EXD3: variants seen among roughly 807,000 people sequenced by gnomAD.
EXD3 encodes the protein exonuclease mut-7 homolog.
In EXD3, 92 loss-of-function variants were observed where a neutral mutation model predicts 98.0. That is an observed-to-expected ratio of 0.94 (90% confidence interval 0.79 to 1.12). The LOEUF (loss-of-function observed/expected upper bound fraction) is 1.12. Among genes scored for constraint, EXD3 ranks in the 50% most tolerant of loss-of-function variants. The pLI, the probability that EXD3 is intolerant of heterozygous loss-of-function variation, is 0.00. For missense variants in EXD3, 1,222 were observed against 1,191.6 expected (o/e 1.03, Z -0.38); for synonymous variants, 569 against 526.0 (o/e 1.08, Z -1.12).
chr9:137,382,875 C>A lies in EXD3; in HGVS notation c.120+438G>T, dbSNP rs1564195432. ...GCCGGCCCTCCCTCTGTAGCCTCTCCCCTGGCCTCTCCCGCCCAGCCTCCT... is the reference window on the plus strand; with the variant it reads ...GCCGGCCCTCCCTCTGTAGCCTCTCACCTGGCCTCTCCCGCCCAGCCTCCT... On this transcript the variant is annotated intron_variant, in intron 3 of 21. Coordinates refer to ENST00000340951, the MANE Select transcript of EXD3 (RefSeq NM_017820.5). Among the ~76,000 whole-genome samples the A allele has an allele frequency of 1.3e-5, 2 of 152,190 alleles. 1 individual carries two copies. Among genetic ancestry groups the A allele is most frequent in the East Asian group, 3.8e-4 (2 of 5,196 alleles).
In EXD3 at chr9:137,324,096, G is replaced by A; in HGVS notation, c.2046C>T (p.Phe682=). The change falls in exon 18 of 22, where the codon TTC becomes TTT. Residue 682 remains phenylalanine, a synonymous_variant. Transcript: ENST00000340951. This position sits in a 1 kb window ranked among gnomAD's most constrained non-coding sequence, Gnocchi z 4.1. ...TTATCTTTGGGACACTCACCTTGTG[G>A]AATGGCTGCCCCGACGTCAGAATGA... is the stretch of plus-strand genomic sequence containing the variant. ...GRIILTSGQP[F]HKLRAQVGAG... The A allele has an allele frequency of 6.3e-7, 1 of 1,588,022 alleles. No individual in the cohort carries two copies. Among genetic ancestry groups the A allele is most frequent in the Non-Finnish European group, 8.6e-7 (1 of 1,167,926 alleles).
chr9:137,392,768 G>A (rs1031913392), intron 2 of EXD3: 10 of 342,820 alleles, frequency 2.9e-5, no homozygotes, highest in Non-Finnish European at 4.4e-5. Flanking sequence ...GTTCCAGGGG[G>A]CACCGAGGCT....
chr9:137,381,970 G>C (rs563558084), intron 3 of EXD3, among the ~76,000 whole-genome samples: 2 of 151,922 alleles, frequency 1.3e-5, no homozygotes, highest in South Asian at 4.2e-4. Flanking sequence ...GCAGGGAGGA[G>C]GTGGGAGCAC....
At position 137,351,058 on chromosome 9, in the gene EXD3, G is replaced by A. The variant is rs1038572005; in HGVS notation, c.1474C>T (p.Leu492=). ...VEKQILGGMD[L]LLVHRQMRVA... ...CCCACCTGTCTGTGCACCAGCAGCA[G>A]GTCCATGCCGCCCAGAATCTGCTTC... The change falls in exon 14 of 22, where the codon CTG becomes TTG. Residue 492 remains leucine (L), a synonymous_variant. Transcript: ENST00000340951. The A allele has an allele frequency of 1.3e-6, 2 of 1,568,510 alleles. No individual in the cohort carries two copies. The highest frequency in any genetic ancestry group is 1.7e-6 in the Non-Finnish European group (2 of 1,157,834).
intron 17 of EXD3, among the ~76,000 whole-genome samples, chr9:137,327,254 C>G (rs1199819198): frequency 6.6e-6 from 1 of 152,060 alleles, no homozygotes; most frequent in Non-Finnish European, 1.5e-5. Context: ...CTGCCTCAGC[C>G]TCCTGAGTAG....
chr9:137,356,474 G>A (rs1366449788), intron 7 of EXD3, 106 bp from the exon 8 acceptor site: 8 of 776,672 alleles, frequency 1.0e-5, no homozygotes, highest in Non-Finnish European at 1.5e-5. Context: ...AACCTCAAGT[G>A]AGGTTTATAA....
chr9:137,352,323 T>G, intron 11 of EXD3, 122 bp from the exon 12 acceptor site: 1 of 1,374,674 alleles, frequency 7.3e-7, no homozygotes, highest in South Asian at 1.3e-5. Flanking sequence ...TGGCTCCTCC[T>G]CCCACACCGG....
intron 2 of EXD3, among the ~76,000 whole-genome samples, chr9:137,387,658 A>C (rs748699449): frequency 6.6e-6 from 1 of 151,916 alleles, no homozygotes; most frequent in Non-Finnish European, 1.5e-5. Context: ...ACGCACCCCA[A>C]CTCAGGGATA....
At position 137,395,225 on chromosome 9, in the gene EXD3, G is replaced by A. The variant is rs547384450; in HGVS notation, c.55+78C>T. 1.1e-5 allele frequency: 15 copies of A among 1,337,584 alleles called. No homozygotes were observed. Among genetic ancestry groups the A allele is most frequent in the East Asian group, 9.2e-5 (4 of 43,536 alleles). The allele number at this position is 1,337,584 out of a possible 1,614,324, so 82.9% of individuals were successfully genotyped here. A position where few individuals can be genotyped will look rare whatever the true frequency, so the allele number is the denominator to read the frequency against. ...CCTCGTCACTGAGTACACAGTGGGC[G>A]CCACCACCCCCCATGCACACCCACG... On this transcript the variant is annotated intron_variant, in intron 2 of 21. Transcript: ENST00000340951. This position sits in a 1 kb window ranked among gnomAD's most constrained non-coding sequence, Gnocchi z 6.5.
chr9:137,379,049 A>G (rs1164384516), intron 3 of EXD3, among the ~76,000 whole-genome samples: 1 of 113,470 alleles, frequency 8.8e-6, no homozygotes, highest in South Asian at 3.3e-4. Context: ...GCCGAGGGGA[A>G]TGGGGCGTCT....
chr9:137,373,419 G>A lies in EXD3; in HGVS notation c.294+7C>T, dbSNP rs1835738983. 1 of 1,604,598 alleles carries A rather than the reference G, an allele frequency of 6.2e-7. No individual in the cohort carries two copies. The highest frequency in any genetic ancestry group is 8.5e-7 in the Non-Finnish European group (1 of 1,179,128). ...GGAGGTGACTGTCACAGAACCCATG[G>A]GCTCACCTGGGCCAGGCTCGGGCAT... On this transcript the variant is annotated splice_region_variant and intron_variant, in intron 4 of 21. Transcript: ENST00000340951.
intron 20 of EXD3, among the ~76,000 whole-genome samples, chr9:137,308,104 G>A (rs1054644623): frequency 2.6e-5 from 4 of 152,056 alleles, no homozygotes; most frequent in Non-Finnish European, 4.4e-5. Context: ...AGTGGCTCGT[G>A]CTGGCCCTGT....
At chr9:137,397,590 C>T (rs1360445691) in intron 1 of EXD3, among the ~76,000 whole-genome samples, 1 of 152,064 alleles carries the variant, frequency 6.6e-6, no homozygotes, top group Non-Finnish European at 1.5e-5. Flanking sequence ...AAAGCAACTT[C>T]GAGGAAGGCC....
At chr9:137,328,059 G>A (rs1832564183) in intron 17 of EXD3, among the ~76,000 whole-genome samples, 1 of 145,602 alleles carries the variant, frequency 6.9e-6, no homozygotes. Flanking sequence ...CCCACATGAT[G>A]AGTAAAAACA....
chr9:137,370,787 G>A (rs1047303568), intron 5 of EXD3, among the ~76,000 whole-genome samples: 1 of 148,422 alleles, frequency 6.7e-6, no homozygotes, highest in African/African-American at 2.5e-5. Context: ...GGAGCCAAGA[G>A]GGCCTTTTTT....
chr9:137,391,927 TG>T (rs1186534604), intron 2 of EXD3: 1 of 152,234 alleles, frequency 6.6e-6, no homozygotes, highest in African/African-American at 2.4e-5. Context: ...GCAGTTCTAC[TG>T]CCTCCAAGCC....
intron 2 of EXD3, among the ~76,000 whole-genome samples, chr9:137,389,025 A>G (rs28664052): frequency 0.21 from 31,851 of 151,954 alleles, 5,241 homozygotes; most frequent in African/African-American, 0.46. Flanking sequence ...CTGAGAGGCC[A>G]CGCCCACCCA....
intron 19 of EXD3, among the ~76,000 whole-genome samples, chr9:137,315,621 G>T (rs949535006): frequency 6.6e-6 from 1 of 152,082 alleles, no homozygotes; most frequent in Non-Finnish European, 1.5e-5. Context: ...CACCCCGGGG[G>T]AGGGGGCAGC....
intron 1 of EXD3, among the ~76,000 whole-genome samples, chr9:137,404,367 G>C (rs1003203809): frequency 2.0e-5 from 3 of 152,184 alleles, no homozygotes; most frequent in African/African-American, 7.2e-5. Context: ...CCGCCTTCAT[G>C]AAAGAGGCGT....
Sources: allele counts gnomAD v4.1 joint callset (sites outside exome capture counted in the v4.1 genomes callset), GRCh38; gene constraint gnomAD v4.1.1; non-coding constraint Gnocchi (gnomAD v3.1); transcripts MANE v1.5; gene names NCBI Gene and HGNC (gene_info 2026-07-23, HGNC 2026-07-21).